The following WAPL variants were observed in gnomAD, a reference collection of about 807,000 sequenced individuals.
WAPL encodes the protein wings apart-like protein homolog.
In WAPL, 5 loss-of-function variants were observed where a neutral mutation model predicts 121.0. The ratio of observed to expected loss-of-function variants is 0.04; its 90% CI spans 0.02 to 0.09. The LOEUF is 0.09. Among genes scored for constraint, WAPL ranks in the 10% least tolerant of loss-of-function variants. The pLI, the probability that WAPL is intolerant of heterozygous loss-of-function variation, is 1.00. For missense variants in WAPL, 999 were observed against 1,410.8 expected (o/e 0.71, Z 4.68); for synonymous variants, 480 against 481.5 (o/e 1.00, Z 0.04).
chr10:86,448,155 A>C (rs1418851309), intron 15 of WAPL, among the ~76,000 whole-genome samples: 2 of 152,186 alleles, frequency 1.3e-5, no homozygotes, highest in South Asian at 4.1e-4. Context: ...GAAAACCATC[A>C]AAAAGTGTAT....
intron 2 of WAPL, among the ~76,000 whole-genome samples, chr10:86,514,167 T>G (rs1443570944): frequency 3.3e-5 from 5 of 152,226 alleles, no homozygotes; most frequent in Non-Finnish European, 4.4e-5. Context: ...ACAGACATAA[T>G]GCAAGAAAAC....
intron 9 of WAPL, among the ~76,000 whole-genome samples, chr10:86,466,743 C>T (rs906413017): frequency 6.6e-6 from 1 of 152,094 alleles, no homozygotes; most frequent in Non-Finnish European, 1.5e-5. Context: ...GTCACCCAGG[C>T]TGGAGTGCAG....
intron 1 of WAPL, among the ~76,000 whole-genome samples, chr10:86,520,867 A>C (rs1045294802): frequency 6.6e-6 from 1 of 152,110 alleles, no homozygotes; most frequent in Admixed American, 6.5e-5. Flanking sequence ...GGCTTCCATT[A>C]AAGATGGAAA....
In WAPL at chr10:86,437,552, T is replaced by C; in HGVS notation, c.3564A>G (p.Glu1188=). 6.2e-7 allele frequency: 1 copy of C among 1,613,852 alleles called. No homozygotes were observed. The highest frequency in any genetic ancestry group is 8.5e-7 in the Non-Finnish European group (1 of 1,179,916). Reference sequence around the variant, plus strand: ...AGCAAAGGTAAAGCAGCTAGCAATGTTCCAAATATTCAATCACTCTAGAGA... The same window carrying C: ...AGCAAAGGTAAAGCAGCTAGCAATGCTCCAAATATTCAATCACTCTAGAGA... ...KSISRVIEYL[E]HC The change falls in exon 19 of 19, where the codon GAA becomes GAG. Residue 1188 remains glutamate (E), a synonymous_variant. Transcript: ENST00000298767.
At chr10:86,507,216 A>G (rs551496456) in intron 2 of WAPL, among the ~76,000 whole-genome samples, 13 of 151,758 alleles carry the variant, frequency 8.6e-5, no homozygotes, top group Non-Finnish European at 1.6e-4. Context: ...AAAAATACAA[A>G]AATTAGCCAG....
chr10:86,436,316 C>G lies in WAPL; in HGVS notation c.*1227G>C, dbSNP rs575660761. On this transcript the variant is annotated 3_prime_UTR_variant, in exon 19 of 19. Transcript: ENST00000298767. ...CAATGAAGAAACATGATGTAACTAC[C>G]TGAAAGGTATTTAAAAGTATTAATG... is the stretch of plus-strand genomic sequence containing the variant. 1 of 152,356 alleles carries G rather than the reference C, an allele frequency of 6.6e-6. No individual in the cohort carries two copies. The highest frequency in any genetic ancestry group is 2.4e-5 in the African/African-American group (1 of 41,422). The allele number at this position is 152,356 out of a possible 1,614,324, so 9.4% of individuals were successfully genotyped here.
intron 4 of WAPL, among the ~76,000 whole-genome samples, chr10:86,487,476 T>C (rs1841950260): frequency 6.6e-6 from 1 of 152,196 alleles, no homozygotes; most frequent in African/African-American, 2.4e-5. Context: ...AACTATGTTC[T>C]TACTACAAGT....
chr10:86,443,196 G>T, intron 17 of WAPL, 79 bp downstream of exon 17: 2 of 1,123,850 alleles, frequency 1.8e-6, no homozygotes, highest in Non-Finnish European at 1.3e-6. Flanking sequence ...AAATAAATAA[G>T]TGAAACATGT....
Position 86,517,780 on chromosome 10 carries a change from T to C in WAPL, c.290A>G (p.Tyr97Cys). The change falls in exon 2 of 19, where the codon TAT becomes TGT. Residue 97 changes from tyrosine to cysteine, a missense_variant. Physicochemically the swap from Tyr to Cys is radical, Grantham distance 194 (BLOSUM62 -2). Coordinates refer to ENST00000298767, the MANE Select transcript of WAPL (RefSeq NM_015045.5). ...CTGAGCAGCTTCACTAGATTCTGAATAAGAGGAACACTTAACCTGGGCTAA... is the reference window on the plus strand; with the variant it reads ...CTGAGCAGCTTCACTAGATTCTGAACAAGAGGAACACTTAACCTGGGCTAA... ...KNLAQVKCSSYSESSEAAQLE... is the reference protein window; with the variant it reads ...KNLAQVKCSSCSESSEAAQLE... 1 of 1,614,216 alleles carries C rather than the reference T, an allele frequency of 6.2e-7. No individual in the cohort carries two copies. Among genetic ancestry groups the C allele is most frequent in the Non-Finnish European group, 8.5e-7 (1 of 1,180,030 alleles).
chr10:86,494,606 T>C lies in WAPL; in HGVS notation c.1644+2595A>G, dbSNP rs184462718. 1.6e-3 allele frequency among the ~76,000 whole-genome samples: 247 copies of C among 152,322 alleles called. 1 individual carries two copies. The highest frequency in any genetic ancestry group is 0.014 in the Middle Eastern group (4 of 294). On this transcript the variant is annotated intron_variant, in intron 4 of 18. Coordinates refer to ENST00000298767, the MANE Select transcript of WAPL (RefSeq NM_015045.5). ...TCTGAGTTTGGCAGTGGTATTAACA[T>C]GGTTTTTCGATACTGTATAATGAAA...
At chr10:86,451,835 A>T in intron 15 of WAPL, 132 bp downstream of exon 15, 1 of 968,072 alleles carries the variant, frequency 1.0e-6, no homozygotes. Flanking sequence ...CTAACTAAAA[A>T]GGCCGGGGGA....
At chr10:86,489,899 AAG>A (rs1842006557) in intron 4 of WAPL, among the ~76,000 whole-genome samples, 1 of 151,134 alleles carries the variant, frequency 6.6e-6, no homozygotes, top group African/African-American at 2.4e-5. Context: ...AAAAAAAAAA[AAG>A]GCTACTACGT....
intron 2 of WAPL, among the ~76,000 whole-genome samples, chr10:86,503,846 C>T (rs962203792): frequency 2.0e-5 from 3 of 152,054 alleles, no homozygotes; most frequent in Non-Finnish European, 4.4e-5. Flanking sequence ...AGAATCCTTA[C>T]ACATCAGTAA....
At chr10:86,449,749 A>C (rs980774643) in intron 15 of WAPL, among the ~76,000 whole-genome samples, 2 of 152,218 alleles carry the variant, frequency 1.3e-5, no homozygotes, top group Non-Finnish European at 2.9e-5. Flanking sequence ...TTCCATTTGA[A>C]GAAAAGTCAA....
chr10:86,509,133 T>C (rs1414624381), intron 2 of WAPL, among the ~76,000 whole-genome samples: 1 of 152,200 alleles, frequency 6.6e-6, no homozygotes, highest in Non-Finnish European at 1.5e-5. Flanking sequence ...TTCCAGATAA[T>C]ATTTATATAC....
intron 9 of WAPL, chr10:86,466,979 G>A (rs571483245): frequency 2.1e-4 from 62 of 299,260 alleles, no homozygotes; most frequent in African/African-American, 8.8e-4. Flanking sequence ...GGTATTATAG[G>A]CATGAACCAC....
chr10:86,458,871 A>G (rs990442504), intron 12 of WAPL, 118 bp downstream of exon 12: 10 of 718,214 alleles, frequency 1.4e-5, no homozygotes, highest in Admixed American at 1.3e-4. Context: ...ACCAATTCAC[A>G]GAACTCAACA....
chr10:86,446,662 C>G (rs1469071239), intron 15 of WAPL, among the ~76,000 whole-genome samples: 1 of 152,148 alleles, frequency 6.6e-6, no homozygotes, highest in Non-Finnish European at 1.5e-5. Context: ...ATGAAGTCAT[C>G]TAATAATGAT....
At chr10:86,458,456 G>C (rs1841200696) in intron 12 of WAPL, among the ~76,000 whole-genome samples, 2 of 152,172 alleles carry the variant, frequency 1.3e-5, no homozygotes, top group Admixed American at 6.5e-5. Context: ...CAGAAGAACA[G>C]AGAAAAGTCC....
Sources: allele counts gnomAD v4.1 joint callset (sites outside exome capture counted in the v4.1 genomes callset), GRCh38; gene constraint gnomAD v4.1.1; transcripts MANE v1.5; gene names NCBI Gene and HGNC (gene_info 2026-07-23, HGNC 2026-07-21).